The following OXR1 variants were observed in gnomAD, a reference collection of about 807,000 sequenced individuals.
OXR1 encodes the protein oxidation resistance protein 1.
In OXR1, 41 loss-of-function variants were observed where a neutral mutation model predicts 104.6. The observed-to-expected ratio is 0.39, with a 90% confidence interval of 0.31 to 0.51. OXR1 has a LOEUF of 0.51. OXR1 is among the 20% of genes least tolerant of loss of function. The probability of loss-of-function intolerance (pLI) is 0.77; values close to 1 mark genes in which losing one functional copy is unlikely to be tolerated. For missense variants in OXR1, 955 were observed against 1,031.9 expected (o/e 0.93, Z 1.02); for synonymous variants, 348 against 348.4 (o/e 1.00, Z 0.01).
At chr8:106,726,263 G>A in intron 11 of OXR1, 1 of 1,526,082 alleles carries the variant, frequency 6.6e-7, no homozygotes, top group Non-Finnish European at 8.8e-7. Flanking sequence ...CTCTGGTATG[G>A]GAAAAAAGGG....
chr8:106,600,395 C>G (rs954855558), intron 3 of OXR1, among the ~76,000 whole-genome samples: 1 of 152,192 alleles, frequency 6.6e-6, no homozygotes, highest in Admixed American at 6.5e-5. Context: ...AACCTCTCAT[C>G]CAAGGCCTAG....
chr8:106,476,276 A>G (rs1437963712), intron 2 of OXR1, among the ~76,000 whole-genome samples: 1 of 151,832 alleles, frequency 6.6e-6, no homozygotes, highest in Non-Finnish European at 1.5e-5. Context: ...ATTTTCCGAT[A>G]CCAAAAGAAC....
At chr8:106,450,601 T>TGTACACAACA (rs1436929869) in intron 2 of OXR1, among the ~76,000 whole-genome samples, 2 of 152,174 alleles carry the variant, frequency 1.3e-5, no homozygotes, top group African/African-American at 2.4e-5. Flanking sequence ...AGCAGTGCAC[T>TGTACACAACA]GTACACAACA....
intron 3 of OXR1, among the ~76,000 whole-genome samples, chr8:106,609,475 T>A: frequency 6.6e-6 from 1 of 152,182 alleles, no homozygotes; most frequent in East Asian, 1.9e-4. Flanking sequence ...AAATACTCTT[T>A]CAAACCTATT....
intron 1 of OXR1, among the ~76,000 whole-genome samples, chr8:106,308,672 A>T (rs1422690377): frequency 6.6e-6 from 1 of 152,162 alleles, no homozygotes; most frequent in Non-Finnish European, 1.5e-5. Flanking sequence ...CTTTTACATG[A>T]TCGCCTATTG....
chr8:106,274,568 C>T lies in OXR1; in HGVS notation c.-139+4201C>T, dbSNP rs543406293. On this transcript the variant is annotated intron_variant, in intron 1 of 16. Coordinates refer to ENST00000517566, the MANE Select transcript of OXR1 (RefSeq NM_001198533.2). ...TTTGTGTCGCAGCAGACTTGATACT[C>T]CTGCTAAGACTCTGGGGCACCCAGC... Among the ~76,000 whole-genome samples the T allele has an allele frequency of 1.4e-3, 216 of 151,882 alleles. 2 individuals are homozygous for T. Among genetic ancestry groups the T allele is most frequent in the African/African-American group, 5.2e-3 (213 of 41,292 alleles).
chr8:106,555,052 T>A (rs1468920814), intron 3 of OXR1, among the ~76,000 whole-genome samples: 1 of 152,178 alleles, frequency 6.6e-6, no homozygotes, highest in Non-Finnish European at 1.5e-5. Context: ...TGTACTCATT[T>A]AGCAAAAATC....
intron 1 of OXR1, among the ~76,000 whole-genome samples, chr8:106,276,749 G>C (rs1275514455): frequency 1.6e-5 from 2 of 123,058 alleles, no homozygotes; most frequent in African/African-American, 6.4e-5. Context: ...GATTCTGTTA[G>C]AGGCAAAAAA....
intron 2 of OXR1, among the ~76,000 whole-genome samples, chr8:106,507,052 T>C (rs1436713111): frequency 6.6e-6 from 1 of 152,004 alleles, no homozygotes; most frequent in Admixed American, 6.6e-5. Flanking sequence ...ACAGCTGCCC[T>C]CCAGCCTAGG....
intron 2 of OXR1, among the ~76,000 whole-genome samples, chr8:106,416,485 T>C (rs751116258): frequency 2.6e-5 from 4 of 152,104 alleles, no homozygotes; most frequent in Non-Finnish European, 5.9e-5. Context: ...TTAGACCTTA[T>C]AAGCACATTT....
At chr8:106,642,223 C>T (rs192212080) in intron 3 of OXR1, among the ~76,000 whole-genome samples, 7 of 152,288 alleles carry the variant, frequency 4.6e-5, no homozygotes, top group African/African-American at 1.7e-4. Context: ...ACCTCTTGGT[C>T]CAGAAAACCA....
intron 2 of OXR1, among the ~76,000 whole-genome samples, chr8:106,516,144 A>G (rs1586746299): frequency 6.6e-6 from 1 of 151,914 alleles, no homozygotes; most frequent in East Asian, 1.9e-4. Context: ...ATACAAGTCT[A>G]TTTCTGAAAT....
chr8:106,740,580 T>G, intron 14 of OXR1, 85 bp downstream of exon 14: 1 of 1,109,486 alleles, frequency 9.0e-7, no homozygotes, highest in South Asian at 1.5e-5. Flanking sequence ...AAACATTACT[T>G]TATTAGTGCA....
intron 11 of OXR1, among the ~76,000 whole-genome samples, chr8:106,723,726 T>A (rs1260731491): frequency 1.3e-5 from 2 of 151,892 alleles, no homozygotes; most frequent in Non-Finnish European, 2.9e-5. Context: ...AGAAGAGGAT[T>A]TATGGGTGAC....
chr8:106,389,396 T>G lies in OXR1; in HGVS notation c.23+29760T>G, dbSNP rs543834521. 3.5e-4 allele frequency among the ~76,000 whole-genome samples: 54 copies of G among 152,340 alleles called. No individual in the cohort carries two copies. The East Asian group carries it at 9.6e-3, about 27-fold the overall frequency. ...TAAATGAGGCATGTCTGTATTTGAC[T>G]GTGTTTTCTCATAAGACAATAAGTT... On this transcript the variant is annotated intron_variant, in intron 2 of 16. Coordinates refer to ENST00000517566, the MANE Select transcript of OXR1 (RefSeq NM_001198533.2).
intron 3 of OXR1, among the ~76,000 whole-genome samples, chr8:106,551,814 A>ATG (rs1491466567): frequency 1.1e-5 from 1 of 94,780 alleles, no homozygotes; most frequent in Non-Finnish European, 2.2e-5. Flanking sequence ...ATATATATAT[A>ATG]CACACACACA....
intron 2 of OXR1, among the ~76,000 whole-genome samples, chr8:106,504,696 TATC>T (rs1389045279): frequency 3.7e-4 from 56 of 152,336 alleles, no homozygotes; most frequent in Middle Eastern, 3.4e-3. Context: ...TACTTTTTGT[TATC>T]ATCAGATTTT....
intron 1 of OXR1, among the ~76,000 whole-genome samples, chr8:106,330,219 G>GT (rs770371315): frequency 3.3e-5 from 5 of 152,208 alleles, no homozygotes; most frequent in Admixed American, 2.0e-4. Flanking sequence ...GCTGAAGACT[G>GT]TAACAAATAC....
At chr8:106,273,244 G>T (rs1267787125) in intron 1 of OXR1, among the ~76,000 whole-genome samples, 1 of 129,476 alleles carries the variant, frequency 7.7e-6, no homozygotes. Flanking sequence ...TCATTACAAA[G>T]AAAAAAAAAA....
Sources: gnomAD v4.1 joint callset for allele counts (sites outside exome capture counted in the v4.1 genomes callset) on GRCh38, gnomAD v4.1.1 for gene constraint, MANE v1.5 for transcripts, NCBI Gene and HGNC (gene_info 2026-07-23, HGNC 2026-07-21) for gene names.